The following MEOX2 variants were observed in gnomAD, a reference collection of about 807,000 sequenced individuals.
MEOX2 encodes the protein mesenchyme homeobox 2.
MEOX2 carries 11 observed loss-of-function variants against 27.0 expected under a neutral mutation model. The ratio of observed to expected loss-of-function variants is 0.41; its 90% CI spans 0.26 to 0.68. MEOX2 has a LOEUF of 0.68. Ranked by LOEUF, MEOX2 falls within the 30% of genes least tolerant of loss-of-function variation. The pLI is 0.33. For missense variants in MEOX2, 436 were observed against 385.4 expected (o/e 1.13, Z -1.10); for synonymous variants, 189 against 155.4 (o/e 1.22, Z -1.61).
At chr7:15,671,824 C>T (rs1213950800) in intron 1 of MEOX2, among the ~76,000 whole-genome samples, 2 of 152,054 alleles carry the variant, frequency 1.3e-5, no homozygotes, top group South Asian at 4.1e-4. Flanking sequence ...TGGGAGACCA[C>T]GAAGTGCTTA....
At position 15,612,162 on chromosome 7, in the gene MEOX2, A is replaced by G; in HGVS notation, c.*225T>C. On this transcript the variant is annotated 3_prime_UTR_variant, in exon 3 of 3. Coordinates refer to ENST00000262041, the MANE Select transcript of MEOX2 (RefSeq NM_005924.5). ...CATACGCACGACCAAACACATCTGG[A>G]ATATTCAAAGCAAGTTCACCTTCTC... The G allele has an allele frequency of 3.5e-6, 2 of 578,008 alleles. No homozygotes were observed. Among genetic ancestry groups the G allele is most frequent in the Non-Finnish European group, 6.2e-6 (2 of 324,170 alleles). 35.8% of individuals were successfully genotyped at this position (578,008 alleles called of 1,614,324 possible).
intron 1 of MEOX2, chr7:15,668,012 AT>A (rs1206599302): frequency 6.6e-6 from 1 of 152,166 alleles, no homozygotes; most frequent in Admixed American, 6.6e-5. Flanking sequence ...TAAATTTCTT[AT>A]TGGTTTAATT....
At chr7:15,631,171 T>A (rs538375595) in intron 1 of MEOX2, among the ~76,000 whole-genome samples, 1 of 151,628 alleles carries the variant, frequency 6.6e-6, no homozygotes, top group Admixed American at 6.6e-5. Context: ...AAATTTTACA[T>A]ACCAAAAAAG....
At chr7:15,653,054 A>C (rs1201673626) in intron 1 of MEOX2, among the ~76,000 whole-genome samples, 1 of 152,008 alleles carries the variant, frequency 6.6e-6, no homozygotes, top group Admixed American at 6.6e-5. Flanking sequence ...AAACTGTCAA[A>C]CTTTTTTCCA....
At chr7:15,631,579 T>C (rs958016690) in intron 1 of MEOX2, among the ~76,000 whole-genome samples, 1 of 151,880 alleles carries the variant, frequency 6.6e-6, no homozygotes, top group Admixed American at 6.6e-5. Context: ...GTTTATAGAC[T>C]TGACTTTTTC....
intron 1 of MEOX2, among the ~76,000 whole-genome samples, chr7:15,628,925 C>T (rs1488755024): frequency 1.3e-5 from 2 of 152,080 alleles, no homozygotes; most frequent in African/African-American, 2.4e-5. Flanking sequence ...CAAGCATCCA[C>T]GTTCTCAGGT....
At chr7:15,633,332 C>T (rs17168935) in intron 1 of MEOX2, among the ~76,000 whole-genome samples, 3 of 151,888 alleles carry the variant, frequency 2.0e-5, no homozygotes, top group Non-Finnish European at 2.9e-5. Context: ...CCTGGAATTA[C>T]ATGGTATTAC....
chr7:15,632,096 G>A (rs989239963), intron 1 of MEOX2, among the ~76,000 whole-genome samples: 4 of 151,774 alleles, frequency 2.6e-5, no homozygotes, highest in African/African-American at 9.7e-5. Context: ...CCATACCTTA[G>A]ATGTAGACGT....
At chr7:15,684,181 T>C (rs905426056) in intron 1 of MEOX2, among the ~76,000 whole-genome samples, 2 of 152,258 alleles carry the variant, frequency 1.3e-5, no homozygotes, top group Admixed American at 6.5e-5. Context: ...ATCATGTAGG[T>C]TTCTCATTGC....
At chr7:15,682,006 T>C (rs750404204) in intron 1 of MEOX2, 1 of 151,860 alleles carries the variant, frequency 6.6e-6, no homozygotes, top group Non-Finnish European at 1.5e-5. Context: ...AACTTGAGTG[T>C]GATTATTTTA....
chr7:15,645,732 A>G (rs1239234993), intron 1 of MEOX2, among the ~76,000 whole-genome samples: 1 of 152,142 alleles, frequency 6.6e-6, no homozygotes, highest in East Asian at 1.9e-4. Context: ...AGTACTGGAC[A>G]ATGAAAGTAA....
intron 2 of MEOX2, among the ~76,000 whole-genome samples, chr7:15,624,443 A>C (rs1208321551): frequency 1.3e-5 from 2 of 152,170 alleles, no homozygotes; most frequent in African/African-American, 4.8e-5. Flanking sequence ...CTACACTGAC[A>C]CTGAGTTTGG....
chr7:15,659,545 G>C (rs1781875710), intron 1 of MEOX2, among the ~76,000 whole-genome samples: 1 of 152,048 alleles, frequency 6.6e-6, no homozygotes, highest in Non-Finnish European at 1.5e-5. Flanking sequence ...TGGATCACAA[G>C]GTCAGGAGAT....
At chr7:15,644,970 C>A (rs954990016) in intron 1 of MEOX2, among the ~76,000 whole-genome samples, 8 of 152,078 alleles carry the variant, frequency 5.3e-5, no homozygotes, top group Admixed American at 4.6e-4. Context: ...TGCTGTAATA[C>A]CTTACTAGTT....
rs185102220 is a variant in MEOX2 at position 15,679,071 on chromosome 7, A to G, written c.517+6815T>C. 3.7e-3 allele frequency: 560 copies of G among 152,298 alleles called. 3 individuals carry two copies. The highest frequency in any genetic ancestry group is 0.013 in the African/African-American group (537 of 41,574). 9.4% of individuals were successfully genotyped at this position (152,298 alleles called of 1,614,324 possible). On this transcript the variant is annotated intron_variant, in intron 1 of 2. Transcript: ENST00000262041. ...AAACTATATATGCTTCAAGCTTAAT[A>G]TTTAATTTTGTAATTGGAACATTTA... is the stretch of plus-strand genomic sequence containing the variant.
At chr7:15,684,913 C>T (rs1047025308) in intron 1 of MEOX2, among the ~76,000 whole-genome samples, 3 of 152,260 alleles carry the variant, frequency 2.0e-5, no homozygotes, top group Non-Finnish European at 4.4e-5. Context: ...CTTTGAGTTT[C>T]TCTGGATTGC....
intron 1 of MEOX2, chr7:15,677,608 T>C (rs1324138037): frequency 1.3e-5 from 2 of 152,204 alleles, no homozygotes; most frequent in African/African-American, 4.8e-5. Context: ...GTCCCAACTT[T>C]TCCAGAAGGC....
intron 1 of MEOX2, among the ~76,000 whole-genome samples, chr7:15,655,641 A>G (rs1452339470): frequency 6.6e-6 from 1 of 151,724 alleles, no homozygotes; most frequent in Non-Finnish European, 1.5e-5. Flanking sequence ...AATATTTAGA[A>G]GTGTGTGTAA....
intron 1 of MEOX2, chr7:15,677,419 C>G (rs1339940805): frequency 6.6e-6 from 1 of 152,212 alleles, no homozygotes; most frequent in Non-Finnish European, 1.5e-5. Flanking sequence ...CTATTGTGTT[C>G]TCCCAGATAT....
Sources: gnomAD v4.1 joint callset for allele counts (sites outside exome capture counted in the v4.1 genomes callset) on GRCh38, gnomAD v4.1.1 for gene constraint, MANE v1.5 for transcripts, NCBI Gene and HGNC (gene_info 2026-07-23, HGNC 2026-07-21) for gene names.